The following POU2AF2 variants were observed in gnomAD, a reference collection of about 807,000 sequenced individuals.
The protein encoded by POU2AF2 is POU domain class 2-associating factor 2.
chr11:111,267,173 C>G, the POU2AF2 span, among the ~76,000 whole-genome samples: 1 of 152,212 alleles, frequency 6.6e-6, no homozygotes, highest in Non-Finnish European at 1.5e-5. Context: ...AAGAAGTTTT[C>G]AATTTCCTTA....
chr11:111,260,638 C>G, the POU2AF2 span, among the ~76,000 whole-genome samples: 1 of 152,256 alleles, frequency 6.6e-6, no homozygotes, highest in South Asian at 2.1e-4. Flanking sequence ...CCAGTAGCCA[C>G]CAGAAGCTTG....
At chr11:111,247,187 C>CAGAGAGAGAG in the POU2AF2 span, among the ~76,000 whole-genome samples, 7 of 45,106 alleles carry the variant, frequency 1.6e-4, no homozygotes, top group African/African-American at 4.4e-4. Flanking sequence ...CACATACACA[C>CAGAGAGAGAG]ACACAGAGAG....
the POU2AF2 span, among the ~76,000 whole-genome samples, chr11:111,259,542 C>T: frequency 6.6e-6 from 1 of 152,236 alleles, no homozygotes; most frequent in East Asian, 1.9e-4. Context: ...TCTTGAACTC[C>T]TGACCTCAGG....
the POU2AF2 span, among the ~76,000 whole-genome samples, chr11:111,282,828 C>T: frequency 2.6e-5 from 4 of 152,162 alleles, no homozygotes; most frequent in Non-Finnish European, 1.5e-5. Context: ...CATTAGATCA[C>T]ACCCAAGGCC....
the POU2AF2 span, chr11:111,283,989 G>A: frequency 4.0e-6 from 5 of 1,253,066 alleles, no homozygotes; most frequent in Admixed American, 2.0e-5. Flanking sequence ...TAGTAACATC[G>A]TTTCCCAGGC....
At chr11:111,260,932 C>G in the POU2AF2 span, among the ~76,000 whole-genome samples, 1 of 152,332 alleles carries the variant, frequency 6.6e-6, no homozygotes, top group African/African-American at 2.4e-5. Flanking sequence ...TAAATTTACA[C>G]AAGACTCTGT....
the POU2AF2 span, among the ~76,000 whole-genome samples, chr11:111,252,708 C>G: frequency 6.6e-6 from 1 of 152,002 alleles, no homozygotes; most frequent in South Asian, 2.1e-4. Flanking sequence ...CTCTTCTAAG[C>G]CATTAGTCTT....
the POU2AF2 span, among the ~76,000 whole-genome samples, chr11:111,276,453 A>AAAAAAAAAAAAAAAAAT: frequency 1.9e-4 from 7 of 37,668 alleles, no homozygotes; most frequent in African/African-American, 6.7e-4. Context: ...AAAAAAAAAA[A>AAAAAAAAAAAAAAAAAT]ATATATATAT....
At chr11:111,253,304 CCTGTT>C in the POU2AF2 span, among the ~76,000 whole-genome samples, 24 of 152,310 alleles carry the variant, frequency 1.6e-4, no homozygotes, top group African/African-American at 5.8e-4. Flanking sequence ...AGTAGCCTGA[CCTGTT>C]TACCCCAGTA....
chr11:111,285,939 G>T, the POU2AF2 span: 7 of 1,613,940 alleles, frequency 4.3e-6, no homozygotes, highest in Non-Finnish European at 5.9e-6. Context: ...CCCAAGGTGG[G>T]GCCACTCTCC....
the POU2AF2 span, among the ~76,000 whole-genome samples, chr11:111,259,200 T>C: frequency 6.6e-6 from 1 of 152,152 alleles, no homozygotes; most frequent in Non-Finnish European, 1.5e-5. Flanking sequence ...GAGATTGATA[T>C]TTACAGTTTC....
chr11:111,283,912 C>A, the POU2AF2 span, among the ~76,000 whole-genome samples: 1 of 152,168 alleles, frequency 6.6e-6, no homozygotes. Context: ...TGGGCTAATG[C>A]AGGAATATTT....
At chr11:111,284,104 T>C in the POU2AF2 span, 1 of 1,614,210 alleles carries the variant, frequency 6.2e-7, no homozygotes, top group South Asian at 1.1e-5. Flanking sequence ...GTTACTACGG[T>C]GTCAGAAGAT....
chr11:111,268,356 A>C, the POU2AF2 span, among the ~76,000 whole-genome samples: 1 of 152,104 alleles, frequency 6.6e-6, no homozygotes, highest in African/African-American at 2.4e-5. Context: ...TTCAACTCAT[A>C]ACCTGAACCG....
chr11:111,274,693 A>G, the POU2AF2 span, among the ~76,000 whole-genome samples: 2 of 150,654 alleles, frequency 1.3e-5, no homozygotes, highest in Admixed American at 6.6e-5. Context: ...TATAATTTAT[A>G]TAATAAATGA....
chr11:111,276,456 ATATATAT>A, the POU2AF2 span, among the ~76,000 whole-genome samples: 364 of 36,578 alleles, frequency 1.0e-2, 15 homozygotes, highest in South Asian at 0.071. Context: ...AAAAAAAAAT[ATATATAT>A]ATATATATAT....
At chr11:111,279,717 C>A in the POU2AF2 span, among the ~76,000 whole-genome samples, 1 of 152,050 alleles carries the variant, frequency 6.6e-6, no homozygotes, top group Admixed American at 6.5e-5. Context: ...GCCCTATTAG[C>A]AAATACCGTC....
chr11:111,247,403 A>T, the POU2AF2 span, among the ~76,000 whole-genome samples: 11 of 152,226 alleles, frequency 7.2e-5, no homozygotes, highest in African/African-American at 2.7e-4. Flanking sequence ...GGATACCTAC[A>T]GTGTGGGCAA....
At chr11:111,246,866 G>C in the POU2AF2 span, among the ~76,000 whole-genome samples, 1 of 152,124 alleles carries the variant, frequency 6.6e-6, no homozygotes, top group Non-Finnish European at 1.5e-5. Flanking sequence ...CTAAAGCACT[G>C]CAATGTTATT....
Sources: allele counts gnomAD v4.1 joint callset (sites outside exome capture counted in the v4.1 genomes callset), GRCh38; gene constraint gnomAD v4.1.1; transcripts MANE v1.5; gene names NCBI Gene and HGNC (gene_info 2026-07-23, HGNC 2026-07-21).